PATL2: variants seen among roughly 807,000 people sequenced by gnomAD.
PATL2 encodes PAT1 homolog 2, also known as protein PAT1 homolog 2.
In PATL2, 73 loss-of-function variants were observed where a neutral mutation model predicts 77.0. That is an observed-to-expected ratio of 0.95 (90% CI 0.78 to 1.15). PATL2 has a LOEUF of 1.15. Among genes scored for constraint, PATL2 ranks in the 50% most tolerant of loss-of-function variants. The pLI is 0.00. For synonymous variants in PATL2, 265 were observed against 257.1 expected (o/e 1.03, Z -0.29); for missense variants, 618 against 655.4 (o/e 0.94, Z 0.62).
chr15:44,709,433 G>A (rs1003138371), intron 3 of PATL2, among the ~76,000 whole-genome samples: 12 of 152,132 alleles, frequency 7.9e-5, no homozygotes, highest in Admixed American at 3.9e-4. Flanking sequence ...TGTGATCCTA[G>A]CACTTTAGGA....
At chr15:44,685,853 G>A (rs1375887059) in intron 3 of PATL2, among the ~76,000 whole-genome samples, 2 of 152,152 alleles carry the variant, frequency 1.3e-5, no homozygotes, top group East Asian at 3.8e-4. Flanking sequence ...AGCAAGAAGA[G>A]CTAACTATCC....
intron 3 of PATL2, among the ~76,000 whole-genome samples, chr15:44,678,582 G>C (rs2086051041): frequency 6.6e-6 from 1 of 152,176 alleles, no homozygotes; most frequent in Admixed American, 6.5e-5. Flanking sequence ...GAATAAAGCA[G>C]ATGCTTCCCA....
At chr15:44,681,241 A>T (rs1015171995) in intron 3 of PATL2, among the ~76,000 whole-genome samples, 4 of 151,678 alleles carry the variant, frequency 2.6e-5, no homozygotes, top group Non-Finnish European at 4.4e-5. Flanking sequence ...CTGGTCTCAA[A>T]CTCCTGGGCT....
At chr15:44,691,390 G>C (rs2086387392) in intron 3 of PATL2, among the ~76,000 whole-genome samples, 1 of 152,202 alleles carries the variant, frequency 6.6e-6, no homozygotes. Flanking sequence ...AGGCATGGTG[G>C]CTCATGCCTG....
intron 3 of PATL2, among the ~76,000 whole-genome samples, chr15:44,705,317 G>A (rs1231048912): frequency 6.6e-6 from 1 of 152,008 alleles, no homozygotes; most frequent in African/African-American, 2.4e-5. Flanking sequence ...AGAGTAGCCG[G>A]GATTAAAGGC....
At chr15:44,708,777 T>G (rs147736507) in intron 3 of PATL2, among the ~76,000 whole-genome samples, 10 of 152,368 alleles carry the variant, frequency 6.6e-5, no homozygotes, top group Non-Finnish European at 1.3e-4. Flanking sequence ...TAAACATTAA[T>G]GTCCAAGTCT....
chr15:44,700,615 T>C (rs12591508), intron 3 of PATL2, among the ~76,000 whole-genome samples: 4,144 of 152,314 alleles, frequency 0.027, 152 homozygotes, highest in East Asian at 0.14. Flanking sequence ...ATGTTGACTT[T>C]GTATCCTCCA....
chr15:44,669,410 A>T lies in PATL2; in HGVS notation c.934T>A (p.Phe312Ile). ...TCCTCTATTTCTAGTAACTGAAGGA[A>T]CATCTGGGAATTTGAGGGTGGAAAA... ...LRVLYRIEKMFLQLLEIEEGW... is the reference protein window; with the variant it reads ...LRVLYRIEKMILQLLEIEEGW... The change falls in exon 13 of 18, where the codon TTC becomes ATC. Residue 312 changes from phenylalanine (F) to isoleucine (I), a missense_variant. Phe to Ile is a conservative substitution (Grantham distance 21). Transcript: ENST00000682850. The T allele has an allele frequency of 6.5e-7, 1 of 1,549,758 alleles. No individual in the cohort carries two copies. The highest frequency in any genetic ancestry group is 8.7e-7 in the Non-Finnish European group (1 of 1,145,346).
intron 3 of PATL2, among the ~76,000 whole-genome samples, chr15:44,698,388 C>G (rs1300783777): frequency 1.3e-5 from 2 of 152,072 alleles, no homozygotes; most frequent in Non-Finnish European, 2.9e-5. Context: ...CCTTCTCCCT[C>G]CCCCGACTAC....
chr15:44,711,285 C>A lies in PATL2; in HGVS notation c.-519G>T. The A allele has an allele frequency of 5.1e-6, 3 of 590,618 alleles. No homozygotes were observed. Among genetic ancestry groups the A allele is most frequent in the Admixed American group, 5.7e-5 (2 of 34,820 alleles). 36.6% of individuals were successfully genotyped at this position (590,618 alleles called of 1,614,324 possible). On this transcript the variant is annotated 5_prime_UTR_variant, in exon 1 of 18. Transcript: ENST00000682850. ...GAGCGCCCGGTGTCCCAAGCTGGGGCGCGCACCCCAGATCGGAGGGCGCCG... is the reference window on the plus strand; with the variant it reads ...GAGCGCCCGGTGTCCCAAGCTGGGGAGCGCACCCCAGATCGGAGGGCGCCG...
chr15:44,673,647 TCACCC>T (rs1353413557), intron 6 of PATL2, among the ~76,000 whole-genome samples: 2 of 152,184 alleles, frequency 1.3e-5, no homozygotes, highest in African/African-American at 4.8e-5. Context: ...TCAACACTTC[TCACCC>T]TCCTCTCTAT....
chr15:44,699,153 G>T (rs1228968373), intron 3 of PATL2, among the ~76,000 whole-genome samples: 2 of 151,958 alleles, frequency 1.3e-5, no homozygotes, highest in East Asian at 1.9e-4. Context: ...ATTAATACTT[G>T]TGAGATGGAT....
At position 44,672,232 on chromosome 15, in the gene PATL2, G is replaced by A. The variant is rs183396284; in HGVS notation, c.516-76C>T. On this transcript the variant is annotated intron_variant, in intron 8 of 17. Coordinates refer to ENST00000682850, the MANE Select transcript of PATL2 (RefSeq NM_001387263.1). Reference sequence around the variant, plus strand: ...CTAAGGAGTGTGGTGAGCAGGAAGTGGGGCTCTCTGGGAAGGATGGAGCAA... The same window carrying A: ...CTAAGGAGTGTGGTGAGCAGGAAGTAGGGCTCTCTGGGAAGGATGGAGCAA... The A allele has an allele frequency of 3.0e-4, 472 of 1,547,592 alleles. 3 individuals carry two copies. In the African/African-American group the frequency reaches 5.7e-3, roughly 19 times the overall value.
chr15:44,694,110 T>C (rs1170761653), intron 3 of PATL2, among the ~76,000 whole-genome samples: 1 of 152,144 alleles, frequency 6.6e-6, no homozygotes, highest in Non-Finnish European at 1.5e-5. Context: ...TATAAAATAA[T>C]CCCAATTTTG....
intron 3 of PATL2, chr15:44,676,775 G>A: frequency 7.9e-7 from 1 of 1,261,060 alleles, no homozygotes; most frequent in Non-Finnish European, 1.0e-6. Context: ...ACAGAAATGA[G>A]GCACAGGCTA....
intron 3 of PATL2, among the ~76,000 whole-genome samples, chr15:44,707,692 G>T (rs1050003462): frequency 6.6e-5 from 10 of 152,192 alleles, no homozygotes; most frequent in African/African-American, 2.2e-4. Context: ...CCTGCCTGGG[G>T]TTGGGAGAGG....
At chr15:44,668,302 T>C in intron 15 of PATL2, 40 bp downstream of exon 15, 2 of 1,539,464 alleles carry the variant, frequency 1.3e-6, no homozygotes, top group Non-Finnish European at 8.8e-7. Context: ...GATACCAACC[T>C]GAAAGCCATC....
intron 4 of PATL2, chr15:44,676,149 C>T (rs1326516351): frequency 9.7e-6 from 4 of 412,396 alleles, no homozygotes; most frequent in African/African-American, 4.1e-5. Flanking sequence ...ACCCAACGCC[C>T]TTTCTATTGC....
intron 3 of PATL2, among the ~76,000 whole-genome samples, chr15:44,709,236 T>C (rs1280637601): frequency 6.6e-6 from 1 of 152,172 alleles, no homozygotes; most frequent in African/African-American, 2.4e-5. Flanking sequence ...CTACCAGGAT[T>C]GTATGAGAGT....
Sources: gnomAD v4.1 joint callset for allele counts (sites outside exome capture counted in the v4.1 genomes callset) on GRCh38, gnomAD v4.1.1 for gene constraint, MANE v1.5 for transcripts, NCBI Gene and HGNC (gene_info 2026-07-23, HGNC 2026-07-21) for gene names.